Variants in DLGAP2 observed in about 807,000 individuals in gnomAD.
The protein encoded by DLGAP2 is DLG associated protein 2.
A neutral mutation model predicts 100.3 loss-of-function variants in DLGAP2; 26 were observed. That is an observed-to-expected ratio of 0.26 (90% CI 0.19 to 0.36). The LOEUF is 0.36. DLGAP2 is among the 10% of genes least tolerant of loss of function. DLGAP2 has a pLI of 1.00. For synonymous variants in DLGAP2, 886 were observed against 630.1 expected, an observed-to-expected ratio of 1.41 and a Z score of -6.08; for missense variants, 1,858 against 1,453.2, an observed-to-expected ratio of 1.28 and a Z score of -4.53.
chr8:1,572,379 G>A (rs1387076639), intron 6 of DLGAP2, among the ~76,000 whole-genome samples: 3 of 102,110 alleles, frequency 2.9e-5, no homozygotes, highest in African/African-American at 1.1e-4. Flanking sequence ...ACTGTGGGTT[G>A]TCTGATGAGA....
At chr8:1,457,976 A>AT (rs1798363662) in intron 3 of DLGAP2, among the ~76,000 whole-genome samples, 1 of 1,110 alleles carries the variant, frequency 9.0e-4, no homozygotes, top group Admixed American at 0.017. Flanking sequence ...TTCTCTGATC[A>AT]TATATATATA....
chr8:1,189,272 G>A (rs547542241), intron 2 of DLGAP2, among the ~76,000 whole-genome samples: 2 of 152,354 alleles, frequency 1.3e-5, no homozygotes, highest in Non-Finnish European at 2.9e-5. Flanking sequence ...CCCAGCGGGA[G>A]TCACTGTCGC....
intron 5 of DLGAP2, among the ~76,000 whole-genome samples, chr8:1,553,854 T>A (rs564617236): frequency 6.6e-6 from 1 of 152,304 alleles, no homozygotes; most frequent in Non-Finnish European, 1.5e-5. Flanking sequence ...GGTTTCCAGT[T>A]AGGTACAAAA....
intron 3 of DLGAP2, among the ~76,000 whole-genome samples, chr8:1,332,137 G>A (rs939133618): frequency 6.6e-6 from 1 of 152,198 alleles, no homozygotes. Context: ...GTGTCCTGGT[G>A]TAGAAATGGG....
intron 1 of DLGAP2, among the ~76,000 whole-genome samples, chr8:779,272 C>T (rs1224588728): frequency 1.3e-5 from 2 of 152,316 alleles, no homozygotes; most frequent in Non-Finnish European, 2.9e-5. Context: ...CCTGGTACCT[C>T]AGATGGAAAT....
intron 1 of DLGAP2, among the ~76,000 whole-genome samples, chr8:786,775 A>G (rs1309371029): frequency 1.3e-5 from 2 of 151,480 alleles, no homozygotes; most frequent in African/African-American, 2.4e-5. Context: ...TACAAATGGT[A>G]TGAGTTGGAA....
intron 3 of DLGAP2, among the ~76,000 whole-genome samples, chr8:1,459,517 ATGGGCT>A (rs1209469452): frequency 6.6e-6 from 1 of 152,148 alleles, no homozygotes; most frequent in African/African-American, 2.4e-5. Context: ...AAAACTTTAA[ATGGGCT>A]TGGGCTCATT....
chr8:961,925 C>A (rs959096205), intron 2 of DLGAP2, among the ~76,000 whole-genome samples: 1 of 152,198 alleles, frequency 6.6e-6, no homozygotes, highest in African/African-American at 2.4e-5. Flanking sequence ...GCTTTGCTGG[C>A]AAGGCCGATC....
rs910775408 is a variant in DLGAP2 at position 1,707,303 on chromosome 8, C to A, written c.*5897C>A. 2.6e-5 allele frequency: 4 copies of A among 152,294 alleles called. No homozygotes were observed. The highest frequency in any genetic ancestry group is 6.5e-5 in the Admixed American group (1 of 15,274). The allele number at this position is 152,294 out of a possible 1,614,324, so 9.4% of individuals were successfully genotyped here. A position where few individuals can be genotyped will look rare whatever the true frequency, so the allele number is the denominator to read the frequency against. ...TTCAAATTTATCTCTTTCAAGTAGA[C>A]CATGGTCTCCCTAGAGAGTGTGTTG... is the stretch of plus-strand genomic sequence containing the variant. On this transcript the variant is annotated 3_prime_UTR_variant, in exon 15 of 15. Coordinates refer to ENST00000637795, the MANE Select transcript of DLGAP2 (RefSeq NM_001346810.2).
At chr8:1,112,598 T>G (rs1488141304) in intron 2 of DLGAP2, among the ~76,000 whole-genome samples, 1 of 152,208 alleles carries the variant, frequency 6.6e-6, no homozygotes, top group Non-Finnish European at 1.5e-5. Flanking sequence ...TTAAGTTCCT[T>G]ATAGATACTG....
chr8:1,005,669 C>T (rs1405113610), intron 2 of DLGAP2, among the ~76,000 whole-genome samples: 1 of 151,732 alleles, frequency 6.6e-6, no homozygotes, highest in Non-Finnish European at 1.5e-5. Context: ...ATTCTCCTGC[C>T]TTGGACTCCC....
chr8:1,043,878 G>A (rs1000540256), intron 2 of DLGAP2, among the ~76,000 whole-genome samples: 3 of 152,060 alleles, frequency 2.0e-5, no homozygotes, highest in African/African-American at 7.3e-5. Context: ...AGCGTGCCTC[G>A]CTGCTGGGCT....
intron 1 of DLGAP2, among the ~76,000 whole-genome samples, chr8:824,165 C>A (rs1489089751): frequency 3.3e-5 from 5 of 152,134 alleles, no homozygotes; most frequent in Non-Finnish European, 7.3e-5. Context: ...GCCTCAACCT[C>A]CTGGGCTCAG....
intron 2 of DLGAP2, among the ~76,000 whole-genome samples, chr8:956,764 T>C (rs1340806850): frequency 6.6e-6 from 1 of 152,234 alleles, no homozygotes; most frequent in Non-Finnish European, 1.5e-5. Context: ...GGTCTAACCA[T>C]GATTCAGGGT....
At position 858,124 on chromosome 8, in the gene DLGAP2, C is replaced by T. The variant is rs149050512; in HGVS notation, c.19-49788C>T. Reference sequence around the variant, plus strand: ...CACCCGCCTTGGCCCTCCAGAGTGTCGGGATTACAGGCGTTAGCCACCGCG... The same window carrying T: ...CACCCGCCTTGGCCCTCCAGAGTGTTGGGATTACAGGCGTTAGCCACCGCG... On this transcript the variant is annotated intron_variant, in intron 1 of 14. Coordinates refer to ENST00000637795, the MANE Select transcript of DLGAP2 (RefSeq NM_001346810.2). Among the ~76,000 whole-genome samples the T allele has an allele frequency of 4.7e-3, 722 of 152,234 alleles. 2 individuals carry two copies. The highest frequency in any genetic ancestry group is 0.016 in the South Asian group (75 of 4,816).
At chr8:1,365,083 A>G (rs1802078736) in intron 3 of DLGAP2, among the ~76,000 whole-genome samples, 1 of 152,184 alleles carries the variant, frequency 6.6e-6, no homozygotes, top group Non-Finnish European at 1.5e-5. Context: ...CCCCGCAAGG[A>G]CACGTTTTTA....
chr8:806,045 G>T (rs6559186), intron 1 of DLGAP2, among the ~76,000 whole-genome samples: 129,151 of 152,202 alleles, frequency 0.85, 55,230 homozygotes, highest in South Asian at 0.91. Context: ...TCCTTTTACA[G>T]AGAGTTTTTG....
intron 3 of DLGAP2, among the ~76,000 whole-genome samples, chr8:1,433,181 C>G (rs1283653179): frequency 1.3e-5 from 2 of 152,222 alleles, no homozygotes; most frequent in Non-Finnish European, 2.9e-5. Flanking sequence ...ACGTGCGGGA[C>G]TTGGGTTCCA....
intron 3 of DLGAP2, among the ~76,000 whole-genome samples, chr8:1,376,521 A>C (rs556728865): frequency 5.3e-5 from 8 of 152,272 alleles, no homozygotes; most frequent in African/African-American, 1.9e-4. Context: ...TGCTGGTACA[A>C]TTGAGGCGCT....
Sources: gnomAD v4.1 joint callset for allele counts (sites outside exome capture counted in the v4.1 genomes callset) on GRCh38, gnomAD v4.1.1 for gene constraint, MANE v1.5 for transcripts, NCBI Gene and HGNC (gene_info 2026-07-23, HGNC 2026-07-21) for gene names.